The following SPOCK1 variants were observed in gnomAD, a reference collection of about 807,000 sequenced individuals.
The protein encoded by SPOCK1 is SPARC (osteonectin), cwcv and kazal like domains proteoglycan 1.
A neutral mutation model predicts 55.3 loss-of-function variants in SPOCK1; 23 were observed. That is an observed-to-expected ratio of 0.42 (90% CI 0.30 to 0.59). SPOCK1 has a LOEUF of 0.59. Ranked by LOEUF, SPOCK1 falls within the 20% of genes least tolerant of loss-of-function variation. SPOCK1 has a pLI of 0.22. For missense variants in SPOCK1, 499 were observed against 552.5 expected, an observed-to-expected ratio of 0.90 and a Z score of 0.97; for synonymous variants, 226 against 221.0, an observed-to-expected ratio of 1.02 and a Z score of -0.20.
rs994821876 is a variant in SPOCK1 at position 137,329,643 on chromosome 5, T to C, written c.187-62588A>G. 1.1e-4 allele frequency among the ~76,000 whole-genome samples: 16 copies of C among 152,248 alleles called. No individual in the cohort carries two copies. The East Asian group carries it at 2.1e-3, about 20-fold the overall frequency. On this transcript the variant is annotated intron_variant, in intron 2 of 10. Coordinates refer to ENST00000394945, the MANE Select transcript of SPOCK1 (RefSeq NM_004598.4). The stretch of plus-strand genomic sequence containing the variant: ...AACTGATGCAAAGCGTGGGATGTAG[T>C]GGGGAGGGAGAAGGGAACACAGAGG...
intron 2 of SPOCK1, among the ~76,000 whole-genome samples, chr5:137,337,561 A>C (rs1750307742): frequency 6.6e-6 from 1 of 152,220 alleles, no homozygotes; most frequent in African/African-American, 2.4e-5. Flanking sequence ...ATTCTGACTA[A>C]AGACACCTAA....
chr5:137,148,900 T>C (rs905913745), intron 3 of SPOCK1, among the ~76,000 whole-genome samples: 7 of 152,076 alleles, frequency 4.6e-5, no homozygotes, highest in Admixed American at 3.3e-4. Flanking sequence ...AAGGTGATGA[T>C]TAAAGTGTCA....
At chr5:137,415,839 C>G (rs1173197691) in intron 2 of SPOCK1, among the ~76,000 whole-genome samples, 2 of 152,268 alleles carry the variant, frequency 1.3e-5, no homozygotes, top group Non-Finnish European at 2.9e-5. Flanking sequence ...TCACTGTTAT[C>G]TTGGCAACCC....
At chr5:137,477,222 T>C (rs963584299) in intron 2 of SPOCK1, among the ~76,000 whole-genome samples, 2 of 152,220 alleles carry the variant, frequency 1.3e-5, no homozygotes, top group Admixed American at 6.5e-5. Flanking sequence ...ATACAGCTCA[T>C]GATTTCATTT....
At chr5:137,385,806 C>T (rs1427441809) in intron 2 of SPOCK1, among the ~76,000 whole-genome samples, 1 of 152,242 alleles carries the variant, frequency 6.6e-6, no homozygotes, top group Non-Finnish European at 1.5e-5. Context: ...CTACCATCTG[C>T]TAAATGCCTT....
intron 2 of SPOCK1, among the ~76,000 whole-genome samples, chr5:137,463,290 C>T (rs1199905261): frequency 6.6e-6 from 1 of 152,160 alleles, no homozygotes; most frequent in Non-Finnish European, 1.5e-5. Context: ...TGTCCATCAA[C>T]ATGTGGTACA....
intron 2 of SPOCK1, among the ~76,000 whole-genome samples, chr5:137,433,619 C>G (rs773911103): frequency 2.0e-5 from 3 of 152,144 alleles, no homozygotes; most frequent in Non-Finnish European, 2.9e-5. Context: ...GCATAGCAAA[C>G]GGGCGAACAT....
chr5:137,404,259 G>A (rs1027938508), intron 2 of SPOCK1, among the ~76,000 whole-genome samples: 3 of 152,218 alleles, frequency 2.0e-5, no homozygotes, highest in Non-Finnish European at 4.4e-5. Flanking sequence ...CAGCTGCTAC[G>A]ACAGCCAACT....
chr5:137,144,906 A>G (rs1017945042), intron 3 of SPOCK1, among the ~76,000 whole-genome samples: 1 of 152,142 alleles, frequency 6.6e-6, no homozygotes, highest in East Asian at 1.9e-4. Flanking sequence ...CCAAGTTTCA[A>G]TCTCTCTCCG....
chr5:137,469,901 T>C (rs775353088), intron 2 of SPOCK1, among the ~76,000 whole-genome samples: 5 of 152,210 alleles, frequency 3.3e-5, no homozygotes, highest in Non-Finnish European at 7.3e-5. Flanking sequence ...CTATTGACTA[T>C]GCTGCTATGA....
intron 2 of SPOCK1, among the ~76,000 whole-genome samples, chr5:137,364,385 C>A (rs1751012778): frequency 6.6e-6 from 1 of 152,134 alleles, no homozygotes. Context: ...GATTTATCTG[C>A]CAGTGGAAAG....
chr5:137,190,848 G>C (rs10040014), intron 3 of SPOCK1, among the ~76,000 whole-genome samples: 2,614 of 152,258 alleles, frequency 0.017, 75 homozygotes, highest in African/African-American at 0.059. Context: ...GGTCAAGATG[G>C]AGCAGGGCTG....
intron 2 of SPOCK1, among the ~76,000 whole-genome samples, chr5:137,427,681 G>A (rs1291956196): frequency 6.6e-6 from 1 of 152,056 alleles, no homozygotes; most frequent in African/African-American, 2.4e-5. Flanking sequence ...AGGCTGAGGC[G>A]GGTGGATCAC....
intron 10 of SPOCK1, 62 bp downstream of exon 10, chr5:136,979,270 T>C (rs1750677003): frequency 6.2e-7 from 1 of 1,606,340 alleles, no homozygotes; most frequent in Non-Finnish European, 8.5e-7. Flanking sequence ...GAGATCCTTA[T>C]GCAGTGAGGA....
At chr5:137,121,881 T>C (rs1440226851) in intron 4 of SPOCK1, among the ~76,000 whole-genome samples, 3 of 146,496 alleles carry the variant, frequency 2.0e-5, no homozygotes, top group African/African-American at 7.4e-5. Flanking sequence ...TATAATTATA[T>C]ATAATTATTA....
intron 2 of SPOCK1, among the ~76,000 whole-genome samples, chr5:137,293,714 C>T (rs73291392): frequency 3.7e-4 from 56 of 152,258 alleles, no homozygotes; most frequent in African/African-American, 1.3e-3. Context: ...GCAGCGCCAT[C>T]CAATAAAACT....
chr5:137,374,871 C>T (rs910552695), intron 2 of SPOCK1, among the ~76,000 whole-genome samples: 1 of 152,030 alleles, frequency 6.6e-6, no homozygotes, highest in South Asian at 2.1e-4. Flanking sequence ...AGAAATTAGG[C>T]AGGCAGGCAA....
chr5:136,994,309 G>A (rs938680606), intron 6 of SPOCK1, among the ~76,000 whole-genome samples: 1 of 152,108 alleles, frequency 6.6e-6, no homozygotes, highest in Non-Finnish European at 1.5e-5. Context: ...GAAATGTCTC[G>A]ACAGGGAGCA....
At chr5:137,167,703 C>T (rs114444283) in intron 3 of SPOCK1, among the ~76,000 whole-genome samples, 3,592 of 151,952 alleles carry the variant, frequency 0.024, 54 homozygotes, top group Non-Finnish European at 0.03. Flanking sequence ...TTAAACAATA[C>T]GCTCCTGAAT....
Sources: allele counts gnomAD v4.1 joint callset (sites outside exome capture counted in the v4.1 genomes callset), GRCh38; gene constraint gnomAD v4.1.1; transcripts MANE v1.5; gene names NCBI Gene and HGNC (gene_info 2026-07-23, HGNC 2026-07-21).